Variants in PPP6C observed in about 807,000 individuals in gnomAD.
PPP6C encodes the protein protein phosphatase 6 catalytic subunit, also known as serine/threonine-protein phosphatase 6 catalytic subunit.
In PPP6C, 11 loss-of-function variants were observed where a neutral mutation model predicts 39.8. The observed-to-expected ratio is 0.28, with a 90% CI of 0.17 to 0.46. The LOEUF (loss-of-function observed/expected upper bound fraction) is 0.46. Ranked by LOEUF, PPP6C falls within the 20% of genes least tolerant of loss-of-function variation. The pLI, the probability that PPP6C is intolerant of heterozygous loss-of-function variation, is 1.00. For synonymous variants in PPP6C, 129 were observed against 130.3 expected (o/e 0.99, Z 0.07); for missense variants, 211 against 373.9 (o/e 0.56, Z 3.59).
At chr9:125,181,300 T>C (rs1829417454) in intron 1 of PPP6C, among the ~76,000 whole-genome samples, 1 of 152,154 alleles carries the variant, frequency 6.6e-6, no homozygotes, top group Non-Finnish European at 1.5e-5. Flanking sequence ...CGTGCCCAAA[T>C]ATTTTTTCTT....
At chr9:125,183,247 A>G (rs1224339493) in intron 1 of PPP6C, among the ~76,000 whole-genome samples, 1 of 151,942 alleles carries the variant, frequency 6.6e-6, no homozygotes, top group Admixed American at 6.6e-5. Context: ...CTTCTATGAC[A>G]TTTTTCCTGC....
At chr9:125,180,207 A>G (rs1479688856) in intron 1 of PPP6C, among the ~76,000 whole-genome samples, 2 of 152,172 alleles carry the variant, frequency 1.3e-5, no homozygotes, top group Non-Finnish European at 2.9e-5. Context: ...AACCTTGACC[A>G]CAACCACTCA....
At chr9:125,177,162 C>T (rs1031748897) in intron 1 of PPP6C, among the ~76,000 whole-genome samples, 3 of 151,968 alleles carry the variant, frequency 2.0e-5, no homozygotes, top group Admixed American at 2.0e-4. Flanking sequence ...ATCACGAGGT[C>T]AGGAGAGTGA....
At chr9:125,171,560 T>G (rs917323675) in intron 1 of PPP6C, among the ~76,000 whole-genome samples, 4 of 143,278 alleles carry the variant, frequency 2.8e-5, no homozygotes, top group African/African-American at 1.0e-4. Context: ...GTTTTTTTGT[T>G]TTTTTTTTTT....
intron 2 of PPP6C, among the ~76,000 whole-genome samples, chr9:125,167,379 C>CAAAAAAAAAAAAAAAAAAAAAAAAAA (rs758123351): frequency 1.8e-5 from 1 of 56,084 alleles, no homozygotes; most frequent in African/African-American, 7.6e-5. Flanking sequence ...AGACCCTGTC[C>CAAAAAAAAAAAAAAAAAAAAAAAAAA]AAAAAAAAAA....
intron 2 of PPP6C, among the ~76,000 whole-genome samples, chr9:125,167,400 G>GA (rs1829044716): frequency 1.2e-5 from 1 of 85,022 alleles, no homozygotes; most frequent in South Asian, 3.9e-4. Flanking sequence ...AAAAAAAAAA[G>GA]AAATAAAAAA....
In PPP6C at chr9:125,172,213, CTTCT is replaced by C. The variant is rs374244647; in HGVS notation, c.76-1037_76-1034del. ...TACTGTATAATTCCATTTATATAAC[CTTCT>C]TTTTTTCCCTTTTTTTTTGAGACAG... is the stretch of plus-strand genomic sequence containing the variant. On this transcript the variant is annotated intron_variant, in intron 1 of 6. Transcript: ENST00000373547. Among the ~76,000 whole-genome samples, 20 of 152,074 alleles carry C rather than the reference CTTCT, an allele frequency of 1.3e-4. 1 individual carries two copies. The East Asian group carries it at 3.7e-3, about 28-fold the overall frequency.
chr9:125,170,444 G>C (rs1375014415), intron 2 of PPP6C, among the ~76,000 whole-genome samples: 1 of 151,866 alleles, frequency 6.6e-6, no homozygotes, highest in Non-Finnish European at 1.5e-5. Flanking sequence ...TCACCATGTT[G>C]GTCAGGCTGG....
At chr9:125,178,169 A>AG (rs1292430493) in intron 1 of PPP6C, among the ~76,000 whole-genome samples, 1 of 152,226 alleles carries the variant, frequency 6.6e-6, no homozygotes, top group Non-Finnish European at 1.5e-5. Context: ...GTAAATATCA[A>AG]GGAGCAGGAC....
At chr9:125,172,073 A>G in intron 1 of PPP6C, 1 of 386,034 alleles carries the variant, frequency 2.6e-6, no homozygotes, top group East Asian at 7.5e-5. Context: ...ACCATGTAAT[A>G]CTACTCAGCA....
chr9:125,187,472 G>A (rs1396750387), intron 1 of PPP6C, among the ~76,000 whole-genome samples: 3 of 151,596 alleles, frequency 2.0e-5, no homozygotes, highest in African/African-American at 4.9e-5. Context: ...TTAGTAGAGA[G>A]GGGGTTTCAC....
intron 1 of PPP6C, among the ~76,000 whole-genome samples, chr9:125,182,763 T>G (rs752238677): frequency 2.0e-5 from 3 of 148,616 alleles, no homozygotes; most frequent in Non-Finnish European, 4.4e-5. Flanking sequence ...TAGATACCCA[T>G]AGTAACTTCC....
chr9:125,153,291 A>C (rs2131299288), intron 6 of PPP6C, among the ~76,000 whole-genome samples: 1 of 152,282 alleles, frequency 6.6e-6, no homozygotes, highest in Middle Eastern at 3.4e-3. Context: ...CAAAAAAAAA[A>C]GGAAAGAACA....
chr9:125,173,829 G>A (rs1180507597), intron 1 of PPP6C, among the ~76,000 whole-genome samples: 1 of 152,014 alleles, frequency 6.6e-6, no homozygotes, highest in African/African-American at 2.4e-5. Context: ...TGTTGGCCAG[G>A]ATGGTCTCGC....
chr9:125,184,792 G>A (rs1220067206), intron 1 of PPP6C, among the ~76,000 whole-genome samples: 7 of 151,824 alleles, frequency 4.6e-5, no homozygotes, highest in Non-Finnish European at 1.0e-4. Flanking sequence ...GGCCAACATG[G>A]TGAAACCCCA....
At chr9:125,160,781 T>G in intron 3 of PPP6C, 60 bp downstream of exon 3, 2 of 1,205,516 alleles carry the variant, frequency 1.7e-6, no homozygotes, top group East Asian at 5.0e-5. Context: ...CAATTTACAT[T>G]TAATAAGTCA....
At chr9:125,184,254 G>A in intron 1 of PPP6C, among the ~76,000 whole-genome samples, 1 of 152,042 alleles carries the variant, frequency 6.6e-6, no homozygotes, top group Non-Finnish European at 1.5e-5. Context: ...CAGGCATGGT[G>A]GCATGCATCT....
intron 1 of PPP6C, chr9:125,188,792 A>G (rs1343617269): frequency 9.4e-6 from 3 of 320,290 alleles, no homozygotes; most frequent in South Asian, 9.6e-5. Context: ...TCAGTTAAAA[A>G]CAATAATAAT....
Position 125,148,997 on chromosome 9 carries a change from A to C in PPP6C, c.*676T>G, listed in dbSNP as rs996589173. 2 of 151,788 alleles carry C rather than the reference A, an allele frequency of 1.3e-5. No individual in the cohort carries two copies. The highest frequency in any genetic ancestry group is 4.8e-5 in the African/African-American group (2 of 41,456). The allele number at this position is 151,788 out of a possible 1,614,324, so 9.4% of individuals were successfully genotyped here. On this transcript the variant is annotated 3_prime_UTR_variant, in exon 7 of 7. Coordinates refer to ENST00000373547, the MANE Select transcript of PPP6C (RefSeq NM_002721.5). Reference sequence around the variant, plus strand: ...AAATTTCTAACACTTAACCTATCTGAGTTTTATTTAAGATTACTTTATTAA... The same window carrying C: ...AAATTTCTAACACTTAACCTATCTGCGTTTTATTTAAGATTACTTTATTAA...
Sources: allele counts gnomAD v4.1 joint callset (sites outside exome capture counted in the v4.1 genomes callset), GRCh38; gene constraint gnomAD v4.1.1; transcripts MANE v1.5; gene names NCBI Gene and HGNC (gene_info 2026-07-23, HGNC 2026-07-21).